The following PID1 variants were observed in gnomAD, a reference collection of about 807,000 sequenced individuals.
The protein encoded by PID1 is phosphotyrosine interaction domain containing 1.
PID1 carries 10 observed loss-of-function variants against 19.1 expected under a neutral mutation model. The ratio of observed to expected loss-of-function variants is 0.52; its 90% CI spans 0.32 to 0.89. PID1 has a LOEUF of 0.89. PID1 is among the 40% of genes least tolerant of loss of function. PID1 has a pLI of 0.03. For synonymous variants in PID1, 130 were observed against 116.0 expected, an observed-to-expected ratio of 1.12 and a Z score of -0.78; for missense variants, 248 against 285.3, an observed-to-expected ratio of 0.87 and a Z score of 0.94.
chr2:229,172,384 T>A (rs1690727844), intron 1 of PID1, among the ~76,000 whole-genome samples: 1 of 152,160 alleles, frequency 6.6e-6, no homozygotes, highest in Non-Finnish European at 1.5e-5. Context: ...GAAATCAAGG[T>A]TCCAACAGTG....
At chr2:229,036,222 C>A (rs1348354675) in intron 2 of PID1, among the ~76,000 whole-genome samples, 4 of 152,138 alleles carry the variant, frequency 2.6e-5, no homozygotes, top group Admixed American at 2.0e-4. Context: ...CCTCAGAAGG[C>A]CAACCCAAGA....
chr2:229,253,354 T>C (rs540130992), intron 1 of PID1, among the ~76,000 whole-genome samples: 3 of 152,298 alleles, frequency 2.0e-5, no homozygotes, highest in East Asian at 3.9e-4. Flanking sequence ...CTCTGCTTTT[T>C]CAGTGCAGCA....
rs140013821 is a variant in PID1, at chr2:229,269,028, T to A, written c.30+1986A>T. ...GGAAGAAGCCACGGATATAAAAAAATTTTTCCGCATTTGTCTCACTTCTCT... is the reference window on the plus strand; with the variant it reads ...GGAAGAAGCCACGGATATAAAAAAAATTTTCCGCATTTGTCTCACTTCTCT... On this transcript the variant is annotated intron_variant, in intron 1 of 2. Coordinates refer to ENST00000392055, the MANE Select transcript of PID1 (RefSeq NM_001100818.2). Among the ~76,000 whole-genome samples, 422 of 150,748 alleles carry A rather than the reference T, an allele frequency of 2.8e-3. 4 individuals carry two copies. The highest frequency in any genetic ancestry group is 9.3e-3 in the African/African-American group (387 of 41,416).
At chr2:229,050,388 A>C (rs1693969664) in intron 2 of PID1, among the ~76,000 whole-genome samples, 1 of 152,246 alleles carries the variant, frequency 6.6e-6, no homozygotes. Flanking sequence ...TCAAGGGCTC[A>C]GGACTGCTGC....
intron 2 of PID1, among the ~76,000 whole-genome samples, chr2:229,103,851 A>G (rs2106230696): frequency 6.6e-6 from 1 of 152,300 alleles, no homozygotes; most frequent in South Asian, 2.1e-4. Flanking sequence ...TGTTGGGATT[A>G]CAGTCGTGAG....
chr2:229,124,059 A>G (rs371979199), intron 2 of PID1, among the ~76,000 whole-genome samples: 268 of 152,320 alleles, frequency 1.8e-3, no homozygotes, highest in African/African-American at 6.0e-3. Flanking sequence ...AAATATGGCG[A>G]GACTGGAAGG....
rs563712744 is a variant in PID1 at position 229,053,618 on chromosome 2, G to T, written c.178-27510C>A. On this transcript the variant is annotated intron_variant, in intron 2 of 2. Coordinates refer to ENST00000392055, the MANE Select transcript of PID1 (RefSeq NM_001100818.2). ...AGCCTCAGTTTCCCTCTCTTGGCCT[G>T]CATGGAGTTCCCAACTCACTTCACT... Among the ~76,000 whole-genome samples the T allele has an allele frequency of 2.0e-5, 3 of 152,328 alleles. No homozygotes were observed. The South Asian group carries it at 6.2e-4, about 32-fold the overall frequency.
chr2:229,194,451 C>A (rs1451595620), intron 1 of PID1, among the ~76,000 whole-genome samples: 1 of 151,706 alleles, frequency 6.6e-6, no homozygotes, highest in African/African-American at 2.4e-5. Context: ...AAATAAAAAT[C>A]ATTTTCAAAT....
chr2:229,053,880 C>T (rs1462217024), intron 2 of PID1, among the ~76,000 whole-genome samples: 1 of 152,134 alleles, frequency 6.6e-6, no homozygotes, highest in East Asian at 1.9e-4. Context: ...TTGGGATCTC[C>T]TGGGGGCAGG....
At chr2:229,164,808 G>A (rs1690565955) in intron 1 of PID1, among the ~76,000 whole-genome samples, 2 of 152,182 alleles carry the variant, frequency 1.3e-5, no homozygotes, top group Admixed American at 6.5e-5. Context: ...GCAGGGTGCA[G>A]CGGAATCCCT....
intron 2 of PID1, among the ~76,000 whole-genome samples, chr2:229,133,989 A>T (rs1004844148): frequency 1.3e-5 from 2 of 151,812 alleles, no homozygotes; most frequent in Non-Finnish European, 2.9e-5. Flanking sequence ...TAAAAATTTT[A>T]AAATGCTGAG....
chr2:229,199,769 T>TATATATATACACACACAC (rs1559281853), intron 1 of PID1, among the ~76,000 whole-genome samples: 38 of 134,874 alleles, frequency 2.8e-4, no homozygotes, highest in Non-Finnish European at 5.1e-4. Context: ...CACACACACA[T>TATATATATACACACACAC]ATATATATAC....
At chr2:229,125,058 A>G (rs2106161685) in intron 2 of PID1, among the ~76,000 whole-genome samples, 1 of 152,292 alleles carries the variant, frequency 6.6e-6, no homozygotes, top group Non-Finnish European at 1.5e-5. Context: ...GTCCTATTCC[A>G]GGTATCAGGA....
At chr2:229,043,315 C>T (rs1693810657) in intron 2 of PID1, among the ~76,000 whole-genome samples, 1 of 151,780 alleles carries the variant, frequency 6.6e-6, no homozygotes, top group African/African-American at 2.4e-5. Flanking sequence ...TGAGAAATTT[C>T]TTTTTAAGAA....
In PID1 at chr2:229,147,380, A is replaced by C. The variant is rs558094356; in HGVS notation, c.177+8438T>G. ...AAGTATTACTCATTCAGCATTAAAA[A>C]TTTAGATAATGCAAATAAGCAAAAA... On this transcript the variant is annotated intron_variant, in intron 2 of 2. Coordinates refer to ENST00000392055, the MANE Select transcript of PID1 (RefSeq NM_001100818.2). Among the ~76,000 whole-genome samples, 95 of 152,008 alleles carry C rather than the reference A, an allele frequency of 6.2e-4. 1 individual carries two copies. Among genetic ancestry groups the C allele is most frequent in the African/African-American group, 2.2e-3 (92 of 41,340 alleles).
In PID1 at chr2:229,244,830, G is replaced by C. The variant is rs976956232; in HGVS notation, c.30+26184C>G. On this transcript the variant is annotated intron_variant, in intron 1 of 2. Transcript: ENST00000392055. ...TTGCTCTCTGGATTCCCATCAGAAGGTTCCTACAAAATCCTCCCTACCTTA... is the reference window on the plus strand; with the variant it reads ...TTGCTCTCTGGATTCCCATCAGAAGCTTCCTACAAAATCCTCCCTACCTTA... 8 of 152,040 alleles carry C rather than the reference G, an allele frequency of 5.3e-5. No homozygotes were observed. The East Asian group carries it at 1.2e-3, about 22-fold the overall frequency. The allele number at this position is 152,040 out of a possible 1,614,324, so 9.4% of individuals were successfully genotyped here.
chr2:229,073,217 G>T (rs897873971), intron 2 of PID1, among the ~76,000 whole-genome samples: 1 of 152,064 alleles, frequency 6.6e-6, no homozygotes, highest in African/African-American at 2.4e-5. Context: ...AGTAGAGATG[G>T]GGTTTCACCA....
chr2:229,156,304 T>C (rs1690372219), intron 1 of PID1, among the ~76,000 whole-genome samples: 2 of 152,200 alleles, frequency 1.3e-5, no homozygotes, highest in South Asian at 4.1e-4. Context: ...CTACATAAGA[T>C]GTTTGGAAGA....
chr2:229,182,975 G>C (rs148492910), intron 1 of PID1, among the ~76,000 whole-genome samples: 2 of 152,102 alleles, frequency 1.3e-5, no homozygotes, highest in African/African-American at 4.8e-5. Context: ...TTTGCTTCCC[G>C]CTATAGGTTG....
Sources: gnomAD v4.1 joint callset for allele counts (sites outside exome capture counted in the v4.1 genomes callset) on GRCh38, gnomAD v4.1.1 for gene constraint, MANE v1.5 for transcripts, NCBI Gene and HGNC (gene_info 2026-07-23, HGNC 2026-07-21) for gene names.